The following ABITRAM variants were observed in gnomAD, a reference collection of about 807,000 sequenced individuals.
ABITRAM encodes the protein actin binding transcription modulator, also known as protein Abitram.
ABITRAM carries 19 observed loss-of-function variants against 22.9 expected under a neutral mutation model. That is an observed-to-expected ratio of 0.83 (90% CI 0.58 to 1.22). ABITRAM has a LOEUF of 1.22. Among genes scored for constraint, ABITRAM ranks in the 50% most tolerant of loss-of-function variants. The pLI is 0.00. For missense variants in ABITRAM, 215 were observed against 220.2 expected (o/e 0.98, Z 0.15); for synonymous variants, 70 against 73.9 (o/e 0.95, Z 0.27).
intron 3 of ABITRAM, chr9:108,948,146 C>G: frequency 6.2e-7 from 1 of 1,603,590 alleles, no homozygotes; most frequent in Non-Finnish European, 8.5e-7. Flanking sequence ...ACTTTTAGCC[C>G]GAAATTAAAG....
intron 3 of ABITRAM, among the ~76,000 whole-genome samples, chr9:108,946,285 G>T (rs1341642602): frequency 7.0e-6 from 1 of 141,910 alleles, no homozygotes; most frequent in African/African-American, 2.6e-5. Flanking sequence ...ACAACAGAGC[G>T]AGACTAAGTC....
chr9:108,940,829 A>G lies in ABITRAM; in HGVS notation c.*1143A>G, dbSNP rs1227067513. On this transcript the variant is annotated 3_prime_UTR_variant, in exon 6 of 6. Transcript: ENST00000322940. ...AAAAACCTCCAACAACTGTGAATTT[A>G]TAGTTTAAGAGTGATTTACACTGAA... 6.6e-6 allele frequency: 1 copy of G among 152,166 alleles called. No individual in the cohort carries two copies. The highest frequency in any genetic ancestry group is 1.5e-5 in the Non-Finnish European group (1 of 68,014). The allele number at this position is 152,166 out of a possible 1,614,324, so 9.4% of individuals were successfully genotyped here. A position where few individuals can be genotyped will look rare whatever the true frequency, so the allele number is the denominator to read the frequency against.
intron 3 of ABITRAM, among the ~76,000 whole-genome samples, chr9:108,937,023 A>G (rs10979617): frequency 0.073 from 11,117 of 152,110 alleles, 481 homozygotes; most frequent in Admixed American, 0.13. Context: ...AGCCAGGCAC[A>G]GTAGTGGGCA....
At position 108,946,071 on chromosome 9, in the gene ABITRAM, C is replaced by T. The variant is rs570790656; in HGVS notation, c.262-4436C>T. Among the ~76,000 whole-genome samples, 135 of 152,092 alleles carry T rather than the reference C, an allele frequency of 8.9e-4. 1 individual carries two copies. Among genetic ancestry groups the T allele is most frequent in the African/African-American group, 3.0e-3 (124 of 41,488 alleles). Reference sequence around the variant, plus strand: ...ATCCCAGCACTTTGGGAGGCTGAGGCGGGCGAATCACAAGGTCAAGAGATC... The same window carrying T: ...ATCCCAGCACTTTGGGAGGCTGAGGTGGGCGAATCACAAGGTCAAGAGATC... On this transcript the variant is annotated intron_variant, in intron 3 of 3. Coordinates refer to the ABITRAM transcript ENST00000374624.
At chr9:108,944,043 A>G (rs747449893), downstream of ABITRAM, 7 of 1,595,202 alleles carry the variant, frequency 4.4e-6, no homozygotes, top group South Asian at 1.1e-5. Flanking sequence ...AAACACCACT[A>G]TTTTAGACTG....
chr9:108,943,211 G>A (rs1377075727), downstream of ABITRAM, among the ~76,000 whole-genome samples: 1 of 152,218 alleles, frequency 6.6e-6, no homozygotes, highest in East Asian at 1.9e-4. Flanking sequence ...CAGGACACAG[G>A]TGCAGGGGTA....
chr9:108,940,079 GC>G lies in ABITRAM; in HGVS notation c.*394del, dbSNP rs1440586539. ...AGAAGTAAATACATTTGACCCTTGA[GC>G]AACATAGGTTTGAACTGCAAGGGTC... On this transcript the variant is annotated 3_prime_UTR_variant, in exon 6 of 6. Coordinates refer to ENST00000322940, the MANE Select transcript of ABITRAM (RefSeq NM_017832.4). 5.9e-6 allele frequency: 1 copy of G among 168,968 alleles called. No homozygotes were observed. The highest frequency in any genetic ancestry group is 1.3e-5 in the Non-Finnish European group (1 of 78,938). The allele number at this position is 168,968 out of a possible 1,614,324, so 10.5% of individuals were successfully genotyped here.
intron 3 of ABITRAM, among the ~76,000 whole-genome samples, chr9:108,936,957 T>C (rs149841602): frequency 2.2e-4 from 33 of 151,946 alleles, no homozygotes; most frequent in African/African-American, 8.0e-4. Context: ...GGTCAGGAGT[T>C]TGAGACTAGC....
chr9:108,938,693 G>GT lies in ABITRAM; in HGVS notation c.262-503_262-502insT, dbSNP rs199760313. Among the ~76,000 whole-genome samples the GT allele has an allele frequency of 1.2e-4, 16 of 131,498 alleles. No individual in the cohort carries two copies. The East Asian group carries it at 1.4e-3, about 11-fold the overall frequency. The allele number at this position is 131,498 out of a possible 152,430, so 86.3% of individuals were successfully genotyped here. On this transcript the variant is annotated intron_variant, in intron 3 of 5. Coordinates refer to ENST00000322940, the MANE Select transcript of ABITRAM (RefSeq NM_017832.4). ...CTAACACACTGGGGAATTACAAAGG[G>GT]GGGGGGGGGAAAGAACAATATCCCT... is the stretch of plus-strand genomic sequence containing the variant.
chr9:108,935,004 A>G (rs760044547), intron 1 of ABITRAM, among the ~76,000 whole-genome samples: 1 of 152,178 alleles, frequency 6.6e-6, no homozygotes, highest in East Asian at 1.9e-4. Flanking sequence ...GATTAGAGAC[A>G]TTTAGAAAGA....
rs1830183242 is a variant in ABITRAM, at chr9:108,936,119, A to G, written c.132-189A>G. On this transcript the variant is annotated intron_variant, in intron 2 of 5. Transcript: ENST00000322940. ...TTCCCTTTCCTGGGAAAGAAATTCA[A>G]TCTTGTTTTCTCTTTTATTATTGTA... 7 of 627,850 alleles carry G rather than the reference A, an allele frequency of 1.1e-5. No homozygotes were observed. In the East Asian group the frequency reaches 1.4e-4, roughly 13 times the overall value. 38.9% of individuals were successfully genotyped at this position (627,850 alleles called of 1,614,324 possible).
chr9:108,943,450 G>A (rs73526138), downstream of ABITRAM, among the ~76,000 whole-genome samples: 3 of 152,318 alleles, frequency 2.0e-5, no homozygotes, highest in African/African-American at 7.2e-5. Context: ...AGTTGCAGAG[G>A]TAATGACTTC....
At chr9:108,942,505 G>A (rs144376885), downstream of ABITRAM, 138 of 480,710 alleles carry the variant, frequency 2.9e-4, 1 homozygote, top group African/African-American at 2.3e-3. Context: ...GAGACAGTTG[G>A]GATATTTGGT....
intron 3 of ABITRAM, chr9:108,948,362 CTGA>C (rs1830465251): frequency 5.4e-6 from 4 of 739,126 alleles, no homozygotes; most frequent in Non-Finnish European, 2.1e-6. Context: ...TATGAATAGA[CTGA>C]TAATATTGTA....
downstream of ABITRAM, among the ~76,000 whole-genome samples, chr9:108,941,305 TAAAC>T (rs761866926): frequency 7.9e-4 from 121 of 152,208 alleles, no homozygotes; most frequent in Middle Eastern, 3.4e-3. Flanking sequence ...GCTGAAAATA[TAAAC>T]AAACCAGCAG....
At chr9:108,949,294 C>G (rs1450943761) in intron 3 of ABITRAM, among the ~76,000 whole-genome samples, 1 of 152,186 alleles carries the variant, frequency 6.6e-6, no homozygotes, top group Non-Finnish European at 1.5e-5. Flanking sequence ...AGTGCAACCC[C>G]TCATGTTTCC....
rs535856892 is a variant in ABITRAM at position 108,938,759 on chromosome 9, C to G, written c.262-437C>G. Among the ~76,000 whole-genome samples the G allele has an allele frequency of 4.0e-5, 6 of 151,738 alleles. No homozygotes were observed. In the South Asian group the frequency reaches 1.3e-3, roughly 32 times the overall value. ...AGTGATTGACCCTGGTAAATAAGTT[C>G]CTTTATCTATTAAGTTCTAATATTA... On this transcript the variant is annotated intron_variant, in intron 3 of 5. Transcript: ENST00000322940.
At chr9:108,943,063 T>A (rs1371880552), downstream of ABITRAM, 2 of 1,590,226 alleles carry the variant, frequency 1.3e-6, no homozygotes, top group African/African-American at 1.4e-5. Context: ...ACAAAAAGCA[T>A]GCAAATGATA....
At chr9:108,942,137 A>G (rs1830263917), downstream of ABITRAM, among the ~76,000 whole-genome samples, 1 of 152,176 alleles carries the variant, frequency 6.6e-6, no homozygotes. Flanking sequence ...AACCCATCTC[A>G]TACTCTCCAG....
Sources: gnomAD v4.1 joint callset for allele counts (sites outside exome capture counted in the v4.1 genomes callset) on GRCh38, gnomAD v4.1.1 for gene constraint, MANE v1.5 for transcripts, NCBI Gene and HGNC (gene_info 2026-07-23, HGNC 2026-07-21) for gene names.